Variants in SHANK2 observed in about 807,000 individuals in gnomAD.
The protein encoded by SHANK2 is SH3 and multiple ankyrin repeat domains protein 2.
A neutral mutation model predicts 133.7 loss-of-function variants in SHANK2; 43 were observed. That is an observed-to-expected ratio of 0.32 (90% CI 0.25 to 0.41). The LOEUF is 0.41. Among genes scored for constraint, SHANK2 ranks in the 10% least tolerant of loss-of-function variants. The pLI is 1.00. For missense variants in SHANK2, 1,994 were observed against 2,235.8 expected (o/e 0.89, Z 2.18); for synonymous variants, 1,017 against 952.8 (o/e 1.07, Z -1.24).
intron 2 of SHANK2, among the ~76,000 whole-genome samples, chr11:71,192,152 C>T (rs1010005412): frequency 6.6e-5 from 10 of 152,356 alleles, no homozygotes; most frequent in African/African-American, 1.2e-4. Flanking sequence ...TGAGCCACCA[C>T]ACCCGGCCTT....
chr11:71,208,831 G>A (rs959375436), intron 2 of SHANK2, among the ~76,000 whole-genome samples: 6 of 151,738 alleles, frequency 4.0e-5, no homozygotes, highest in African/African-American at 1.2e-4. Context: ...TCTAAGGCAC[G>A]CACACACACA....
chr11:70,896,695 AT>A, intron 10 of SHANK2, 128 bp from the exon 11 acceptor site: 2 of 621,224 alleles, frequency 3.2e-6, no homozygotes, highest in Non-Finnish European at 5.9e-6. Flanking sequence ...GGCAGCCGCA[AT>A]ATCAACACTC....
chr11:70,849,744 T>A (rs1168004406), intron 11 of SHANK2, among the ~76,000 whole-genome samples: 3 of 152,210 alleles, frequency 2.0e-5, no homozygotes, highest in Admixed American at 1.3e-4. Context: ...TCAAATCTGT[T>A]AATAGCTGCC....
intron 10 of SHANK2, among the ~76,000 whole-genome samples, chr11:70,930,757 A>G (rs1308381540): frequency 6.8e-6 from 1 of 147,624 alleles, no homozygotes; most frequent in Non-Finnish European, 1.5e-5. Context: ...TGCTGCCTCA[A>G]TCTCCCAGGC....
intron 17 of SHANK2, among the ~76,000 whole-genome samples, chr11:70,526,060 G>A (rs567537253): frequency 5.7e-5 from 8 of 139,270 alleles, no homozygotes; most frequent in African/African-American, 1.6e-4. Context: ...ACAGAGATCC[G>A]GAGAGTAATG....
chr11:70,726,767 G>A (rs565431554), intron 14 of SHANK2, among the ~76,000 whole-genome samples: 1 of 152,316 alleles, frequency 6.6e-6, no homozygotes, highest in African/African-American at 2.4e-5. Context: ...AACTTGGTCT[G>A]GTCCTGTGAT....
chr11:70,658,225 A>G (rs1419377943), intron 17 of SHANK2, among the ~76,000 whole-genome samples: 1 of 110,762 alleles, frequency 9.0e-6, no homozygotes, highest in African/African-American at 3.5e-5. Context: ...ACACACACAC[A>G]CACACACACA....
chr11:70,855,129 G>A (rs1949149845), intron 11 of SHANK2, among the ~76,000 whole-genome samples: 1 of 152,220 alleles, frequency 6.6e-6, no homozygotes. Context: ...CTGGCTGTTT[G>A]CACAGCAGGC....
intron 10 of SHANK2, among the ~76,000 whole-genome samples, chr11:70,910,270 C>T (rs561595956): frequency 2.0e-5 from 3 of 152,240 alleles, no homozygotes; most frequent in South Asian, 2.1e-4. Flanking sequence ...CAAGAGTACG[C>T]AGAATCTCTT....
At chr11:71,147,744 G>A (rs1555107061) in intron 2 of SHANK2, among the ~76,000 whole-genome samples, 1 of 152,236 alleles carries the variant, frequency 6.6e-6, no homozygotes, top group Admixed American at 6.5e-5. Flanking sequence ...TGTTTTCCTT[G>A]GAGGACAGAG....
At chr11:71,228,182 C>G (rs959580159) in intron 1 of SHANK2, among the ~76,000 whole-genome samples, 4 of 152,172 alleles carry the variant, frequency 2.6e-5, no homozygotes, top group Non-Finnish European at 4.4e-5. Flanking sequence ...TCAAGAAATA[C>G]AAACTACTTC....
chr11:70,627,998 C>T (rs1293259801), intron 17 of SHANK2, among the ~76,000 whole-genome samples: 1 of 152,184 alleles, frequency 6.6e-6, no homozygotes, highest in East Asian at 1.9e-4. Flanking sequence ...CTCGCTCTGT[C>T]GCCCAGGCTG....
intron 2 of SHANK2, among the ~76,000 whole-genome samples, chr11:71,203,891 G>T (rs1954072131): frequency 6.6e-6 from 1 of 152,230 alleles, no homozygotes; most frequent in Admixed American, 6.5e-5. Context: ...TGGACTCCTT[G>T]TGTGCTGTCA....
intron 11 of SHANK2, among the ~76,000 whole-genome samples, chr11:70,849,622 A>C (rs1949052841): frequency 6.6e-6 from 1 of 152,122 alleles, no homozygotes; most frequent in African/African-American, 2.4e-5. Flanking sequence ...CCTAATATAC[A>C]TGTTAGCATG....
At chr11:70,680,341 G>A (rs1464958510) in intron 15 of SHANK2, among the ~76,000 whole-genome samples, 1 of 152,204 alleles carries the variant, frequency 6.6e-6, no homozygotes, top group Non-Finnish European at 1.5e-5. Context: ...GGGGTCCGAG[G>A]TCTCACTGGG....
At chr11:70,639,694 G>A (rs2061151632) in intron 17 of SHANK2, among the ~76,000 whole-genome samples, 1 of 152,208 alleles carries the variant, frequency 6.6e-6, no homozygotes, top group Non-Finnish European at 1.5e-5. Context: ...ATGAGTAGGT[G>A]GGGTGGGTGC....
In SHANK2 at chr11:70,820,620, C is replaced by T. The variant is rs782699631; in HGVS notation, c.1237G>A (p.Ala413Thr). 67 of 712,690 alleles carry T rather than the reference C, an allele frequency of 9.4e-5. No homozygotes were observed. Among genetic ancestry groups the T allele is most frequent in the Admixed American group, 2.4e-4 (12 of 49,692 alleles). 44.1% of individuals were successfully genotyped at this position (712,690 alleles called of 1,614,324 possible). ...RRRRPPNTLAAPRVLLRSNSD... is the reference protein window; with the variant it reads ...RRRRPPNTLATPRVLLRSNSD... ...TTGGAGCGCAGCAGGACCCGGGGGG[C>T]GGCCAGCGTGTTGGGGGGCCGCCGC... The change falls in exon 12 of 26, where the codon GCC becomes ACC. Residue 413 changes from alanine to threonine, a missense_variant. Coordinates refer to ENST00000601538, the MANE Select transcript of SHANK2 (RefSeq NM_012309.5).
At chr11:70,774,888 G>A (rs1947329176) in intron 14 of SHANK2, among the ~76,000 whole-genome samples, 2 of 152,164 alleles carry the variant, frequency 1.3e-5, no homozygotes, top group South Asian at 4.1e-4. Context: ...GCCAGGTGTG[G>A]TGGCTCACAC....
At chr11:70,781,556 T>TA (rs1555045161) in intron 14 of SHANK2, among the ~76,000 whole-genome samples, 1 of 3,680 alleles carries the variant, frequency 2.7e-4, no homozygotes, top group Non-Finnish European at 9.5e-4. Context: ...TTTACTTACT[T>TA]ATTATATATA....
Sources: allele counts gnomAD v4.1 joint callset (sites outside exome capture counted in the v4.1 genomes callset), GRCh38; gene constraint gnomAD v4.1.1; transcripts MANE v1.5; gene names NCBI Gene and HGNC (gene_info 2026-07-23, HGNC 2026-07-21).